The following CELSR1 variants were observed in gnomAD, a reference collection of about 807,000 sequenced individuals.
CELSR1 encodes the protein adhesion G protein-coupled receptor C1.
In CELSR1, 110 loss-of-function variants were observed where a neutral mutation model predicts 249.1. The ratio of observed to expected loss-of-function variants is 0.44; its 90% CI spans 0.38 to 0.52. The LOEUF (loss-of-function observed/expected upper bound fraction) is 0.52, where lower values mean the gene tolerates loss of function less well. Ranked by LOEUF, CELSR1 falls within the 20% of genes least tolerant of loss-of-function variation. The probability of loss-of-function intolerance (pLI) is 0.00; values close to 1 mark genes in which losing one functional copy is unlikely to be tolerated. For missense variants in CELSR1, 4,109 were observed against 4,296.4 expected (o/e 0.96, Z 1.22); for synonymous variants, 2,113 against 1,900.0 (o/e 1.11, Z -2.92).
In CELSR1 at chr22:46,398,548, G is replaced by A. The variant is rs1226457799; in HGVS notation, c.5502C>T (p.Arg1834=). 3.1e-6 allele frequency: 5 copies of A among 1,613,168 alleles called. No homozygotes were observed. The highest frequency in any genetic ancestry group is 1.1e-5 in the South Asian group (1 of 91,026). Residue 1834 remains arginine, a synonymous_variant, in exon 11 of 35, where the codon CGC becomes CGT. Transcript: ENST00000674500. This position sits in a 1 kb window ranked among gnomAD's most constrained non-coding sequence, Gnocchi z 7.2. ...CCTGCATGCAGCCTCGGAATCCACG[G>A]CGCACGGAGACCTTGTCTTCAGAGG... ...GGASEDKVSV[R]RGFRGCMQGV...
rs974206955 is a variant in CELSR1, at chr22:46,437,225, C to A, written c.4407-936G>T. 6.6e-6 allele frequency among the ~76,000 whole-genome samples: 1 copy of A among 152,218 alleles called. No homozygotes were observed. Among genetic ancestry groups the A allele is most frequent in the African/African-American group, 2.4e-5 (1 of 41,454 alleles). On this transcript the variant is annotated intron_variant, in intron 3 of 34. Transcript: ENST00000674500. The surrounding 1 kb of genome is among the most constrained non-coding windows in gnomAD (Gnocchi z 4.9). ...CCTTCTCCCACCCAGGGGCCCCGGGCAGGGGGTCTTCAGACCCAAATCACC... is the reference window on the plus strand; with the variant it reads ...CCTTCTCCCACCCAGGGGCCCCGGGAAGGGGGTCTTCAGACCCAAATCACC...
rs2080642174 is a variant in CELSR1 at position 46,517,658 on chromosome 22, C to T, written c.3544+15969G>A. Among the ~76,000 whole-genome samples the T allele has an allele frequency of 6.6e-6, 1 of 152,218 alleles. No individual in the cohort carries two copies. Among genetic ancestry groups the T allele is most frequent in the African/African-American group, 2.4e-5 (1 of 41,472 alleles). ...GCCACATGCAGGACAGACAGGAAGTCTCACAGAACAATAAACCTTCATATT... is the reference window on the plus strand; with the variant it reads ...GCCACATGCAGGACAGACAGGAAGTTTCACAGAACAATAAACCTTCATATT... On this transcript the variant is annotated intron_variant, in intron 1 of 34. Coordinates refer to ENST00000674500, the MANE Select transcript of CELSR1 (RefSeq NM_001378328.1). This position sits in a 1 kb window ranked among gnomAD's most constrained non-coding sequence, Gnocchi z 5.4.
At chr22:46,496,872 T>C (rs1393857565) in intron 1 of CELSR1, among the ~76,000 whole-genome samples, 1 of 151,970 alleles carries the variant, frequency 6.6e-6, no homozygotes, top group Non-Finnish European at 1.5e-5. Context: ...TAAATGTAAG[T>C]AGAAGGAGTA....
Position 46,363,456 on chromosome 22 carries a change from T to C in CELSR1, c.9036-209A>G. On this transcript the variant is annotated intron_variant, in intron 34 of 34. Transcript: ENST00000674500. The surrounding 1 kb of genome is among the most constrained non-coding windows in gnomAD (Gnocchi z 4.3). ...AGGACCAGCCTGTGGGCCTCTGTGT[T>C]GCTGGTCTTTCAGAAGAGCGCAAGG... 2 of 532,888 alleles carry C rather than the reference T, an allele frequency of 3.8e-6. No homozygotes were observed. The highest frequency in any genetic ancestry group is 6.8e-6 in the Non-Finnish European group (2 of 295,930). The allele number at this position is 532,888 out of a possible 1,614,324, so 33.0% of individuals were successfully genotyped here.
intron 1 of CELSR1, among the ~76,000 whole-genome samples, chr22:46,509,339 G>A (rs80245024): frequency 1.3e-5 from 2 of 152,218 alleles, no homozygotes; most frequent in African/African-American, 2.4e-5. Context: ...TGCAGAGGGG[G>A]TGATGGGTAC....
chr22:46,384,788 A>G (rs886442443), intron 19 of CELSR1, 102 bp from the exon 20 acceptor site: 3 of 1,262,614 alleles, frequency 2.4e-6, no homozygotes, highest in South Asian at 1.7e-5. Flanking sequence ...CTGGCTGGCC[A>G]TATTTATTTA....
chr22:46,523,298 G>A (rs1178848316), intron 1 of CELSR1, among the ~76,000 whole-genome samples: 1 of 152,168 alleles, frequency 6.6e-6, no homozygotes, highest in African/African-American at 2.4e-5. Flanking sequence ...GGAGGCCAAG[G>A]CGGACGGTTC....
chr22:46,519,939 T>G (rs1201136555), intron 1 of CELSR1, among the ~76,000 whole-genome samples: 2 of 147,080 alleles, frequency 1.4e-5, no homozygotes, highest in Non-Finnish European at 3.0e-5. Flanking sequence ...TGGCGCAACC[T>G]CAGCTCACCG....
At chr22:46,477,321 G>A (rs957970042) in intron 1 of CELSR1, among the ~76,000 whole-genome samples, 1 of 152,190 alleles carries the variant, frequency 6.6e-6, no homozygotes, top group East Asian at 1.9e-4. Flanking sequence ...AACACCTGGA[G>A]TTTATCAGGA....
At chr22:46,384,185 C>T (rs1298735825) in intron 20 of CELSR1, among the ~76,000 whole-genome samples, 1 of 151,706 alleles carries the variant, frequency 6.6e-6, no homozygotes, top group Non-Finnish European at 1.5e-5. Context: ...ATCTGCCCGC[C>T]TCGGCCTCCC....
intron 29 of CELSR1, 95 bp downstream of exon 29, chr22:46,366,898 G>A (rs1054424232): frequency 1.2e-5 from 18 of 1,469,094 alleles, no homozygotes; most frequent in Middle Eastern, 4.9e-4. Flanking sequence ...AGGGGCATAC[G>A]GGCCGCAGGA....
intron 5 of CELSR1, among the ~76,000 whole-genome samples, chr22:46,421,214 T>G (rs2079468089): frequency 1.4e-5 from 2 of 147,440 alleles, no homozygotes; most frequent in African/African-American, 2.5e-5. Flanking sequence ...GCTGGGGGGG[T>G]AGAGGCGGGA....
intron 11 of CELSR1, 65 bp from the exon 12 acceptor site, chr22:46,397,913 CCT>C (rs2079168807): frequency 1.4e-5 from 18 of 1,311,978 alleles, no homozygotes; most frequent in Non-Finnish European, 1.8e-5. Context: ...TTAAGGGAAC[CCT>C]GAGACCTCTC....
At chr22:46,462,147 A>G (rs969290798) in intron 2 of CELSR1, among the ~76,000 whole-genome samples, 6 of 152,240 alleles carry the variant, frequency 3.9e-5, no homozygotes, top group African/African-American at 1.4e-4. Flanking sequence ...GCCCCGGTAT[A>G]GCCAGGAATT....
intron 2 of CELSR1, 31 bp downstream of exon 2, chr22:46,463,676 A>G (rs2080059206): frequency 2.7e-6 from 4 of 1,490,920 alleles, no homozygotes; most frequent in Non-Finnish European, 8.9e-7. Flanking sequence ...GGGGACATGT[A>G]CACAAAGCCA....
rs2079134604 is a variant in CELSR1, at chr22:46,395,171, G to T, written c.5844-909C>A. 6.7e-6 allele frequency among the ~76,000 whole-genome samples: 1 copy of T among 150,372 alleles called. No homozygotes were observed. The highest frequency in any genetic ancestry group is 1.5e-5 in the Non-Finnish European group (1 of 67,530). ...GAGTCTGGCGTTTATGGATGTGTGT[G>T]TGCAGCGTGGGGGCCCCAGAACCTT... On this transcript the variant is annotated intron_variant, in intron 13 of 34. Transcript: ENST00000674500. This position sits in a 1 kb window ranked among gnomAD's most constrained non-coding sequence, Gnocchi z 5.5.
In CELSR1 at chr22:46,439,337, T is replaced by C. The variant is rs762285670; in HGVS notation, c.4258A>G (p.Asn1420Asp). Reference protein sequence around the residue: ...GVCKNGGTCVNLLIGGFHCVC... With the variant: ...GVCKNGGTCVDLLIGGFHCVC... ...CAGTGGAAGCCGCCGATGAGCAGGTTCACGCAGGTGCCCCCGTTCTTGCAC... is the reference window on the plus strand; with the variant it reads ...CAGTGGAAGCCGCCGATGAGCAGGTCCACGCAGGTGCCCCCGTTCTTGCAC... Residue 1420 changes from asparagine (N) to aspartate (D), a missense_variant, in exon 3 of 35, where the codon AAC becomes GAC. By Grantham distance (23) the Asn-to-Asp change is conservative. Coordinates refer to ENST00000674500, the MANE Select transcript of CELSR1 (RefSeq NM_001378328.1). 2.5e-6 allele frequency: 4 copies of C among 1,614,008 alleles called. No homozygotes were observed. The highest frequency in any genetic ancestry group is 1.1e-5 in the South Asian group (1 of 91,080).
chr22:46,377,144 G>A lies in CELSR1; in HGVS notation c.7501C>T (p.His2501Tyr). The change falls in exon 24 of 35, where the codon CAC becomes TAC. Residue 2501 changes from histidine (H) to tyrosine (Y), a missense_variant. Physicochemically the swap from His to Tyr is moderately conservative, Grantham distance 83. Coordinates refer to ENST00000674500, the MANE Select transcript of CELSR1 (RefSeq NM_001378328.1). ...SLVRMLRSNL[H>Y]SIHKHLAVAL... ...ACGGCGAGGTGCTTGTGAATGCTGT[G>A]CAGGTTGGAGCGCAGCATGCGGACC... 1 of 1,613,840 alleles carries A rather than the reference G, an allele frequency of 6.2e-7. No individual in the cohort carries two copies. Among genetic ancestry groups the A allele is most frequent in the Non-Finnish European group, 8.5e-7 (1 of 1,179,982 alleles).
Position 46,407,675 on chromosome 22 carries a change from G to A in CELSR1, c.5226+1321C>T, listed in dbSNP as rs1216723386. ...CAAAACAAAAAAAACCTAGGATGAA[G>A]GAAGGAATAACTCAGTTATGAATCT... On this transcript the variant is annotated intron_variant, in intron 9 of 34. Coordinates refer to ENST00000674500, the MANE Select transcript of CELSR1 (RefSeq NM_001378328.1). This position sits in a 1 kb window ranked among gnomAD's most constrained non-coding sequence, Gnocchi z 4.8. Among the ~76,000 whole-genome samples, 2 of 151,990 alleles carry A rather than the reference G, an allele frequency of 1.3e-5. No homozygotes were observed. The highest frequency in any genetic ancestry group is 2.9e-5 in the Non-Finnish European group (2 of 68,010).
Sources: gnomAD v4.1 joint callset for allele counts (sites outside exome capture counted in the v4.1 genomes callset) on GRCh38, gnomAD v4.1.1 for gene constraint, Gnocchi (gnomAD v3.1) non-coding constraint, MANE v1.5 for transcripts, NCBI Gene and HGNC (gene_info 2026-07-23, HGNC 2026-07-21) for gene names.